Variants in SLC25A48 observed in about 807,000 individuals in gnomAD.
SLC25A48 encodes the protein CTC-321K16.1.
SLC25A48 carries 29 observed loss-of-function variants against 32.2 expected under a neutral mutation model. The ratio of observed to expected loss-of-function variants is 0.90; its 90% confidence interval spans 0.67 to 1.23. The LOEUF is 1.23. Among genes scored for constraint, SLC25A48 ranks in the 50% most tolerant of loss-of-function variants. The probability of loss-of-function intolerance (pLI) is 0.00; values close to 1 mark genes in which losing one functional copy is unlikely to be tolerated. For missense variants in SLC25A48, 399 were observed against 422.7 expected, an observed-to-expected ratio of 0.94 and a Z score of 0.49; for synonymous variants, 164 against 172.3, an observed-to-expected ratio of 0.95 and a Z score of 0.38.
In SLC25A48 at chr5:135,645,014, TC is replaced by T. The variant is rs537469788; in HGVS notation, c.-521+10060del. Among the ~76,000 whole-genome samples, 118 of 152,274 alleles carry T rather than the reference TC, an allele frequency of 7.7e-4. 1 individual carries two copies. In the Middle Eastern group the frequency reaches 0.017, roughly 22 times the overall value. Reference sequence around the variant, plus strand: ...GGGGATCCGCTTTCCTGTCTCCTGCTCCATCTGTCCCCATTCTAAAACAGCC... The same window carrying T: ...GGGGATCCGCTTTCCTGTCTCCTGCTCATCTGTCCCCATTCTAAAACAGCC... On this transcript the variant is annotated intron_variant, in intron 3 of 10. Transcript: ENST00000646290.
At chr5:135,585,417 C>G (rs1356199928) in intron 1 of SLC25A48, among the ~76,000 whole-genome samples, 1 of 152,200 alleles carries the variant, frequency 6.6e-6, no homozygotes. Flanking sequence ...GTCCTAGCCC[C>G]AGGGTAGGAG....
At chr5:135,857,052 C>T (rs28464282) in intron 4 of SLC25A48, among the ~76,000 whole-genome samples, 6,551 of 152,278 alleles carry the variant, frequency 0.043, 475 homozygotes, top group African/African-American at 0.15. Context: ...GGTAGCTTTG[C>T]GAATATCTGT....
intron 1 of SLC25A48, among the ~76,000 whole-genome samples, chr5:135,612,357 G>A (rs1038592434): frequency 3.9e-5 from 6 of 152,258 alleles, no homozygotes; most frequent in East Asian, 3.9e-4. Context: ...GGTATCTATC[G>A]TCTTGAGGAT....
chr5:135,720,708 G>T (rs1184286463), intron 3 of SLC25A48, among the ~76,000 whole-genome samples: 2 of 152,120 alleles, frequency 1.3e-5, no homozygotes, highest in South Asian at 4.1e-4. Context: ...TGCACGGAGA[G>T]ACCAGGGTGA....
At chr5:135,664,726 C>A (rs1753481027) in intron 3 of SLC25A48, among the ~76,000 whole-genome samples, 2 of 152,200 alleles carry the variant, frequency 1.3e-5, no homozygotes, top group African/African-American at 2.4e-5. Flanking sequence ...TAAGGGCCTC[C>A]AGCTCCATCT....
intron 3 of SLC25A48, among the ~76,000 whole-genome samples, chr5:135,743,346 A>C (rs919165405): frequency 1.3e-5 from 2 of 151,822 alleles, no homozygotes; most frequent in African/African-American, 4.8e-5. Flanking sequence ...TGTTGGAATT[A>C]AAGGCATGAG....
intron 7 of SLC25A48, among the ~76,000 whole-genome samples, chr5:135,885,097 ATGGCTATTTTACGG>A (rs1762668372): frequency 6.6e-6 from 1 of 152,110 alleles, no homozygotes; most frequent in African/African-American, 2.4e-5. Context: ...AGCCATGATG[ATGGCTATTTTACGG>A]TGTAAAAAAG....
chr5:135,639,167 A>G (rs1229525392), intron 3 of SLC25A48, among the ~76,000 whole-genome samples: 1 of 152,238 alleles, frequency 6.6e-6, no homozygotes, highest in East Asian at 1.9e-4. Flanking sequence ...CTTTTGGGCA[A>G]CAGTTACTTG....
chr5:135,601,544 C>G lies in SLC25A48; in HGVS notation c.-849+21947C>G, dbSNP rs1297636385. On this transcript the variant is annotated intron_variant, in intron 1 of 10. Transcript: ENST00000646290. ...CTAGGAGAAAGTGTCACTCTCCCCT[C>G]TCTCCATCTTGACTGGAACCCATGG... Among the ~76,000 whole-genome samples the G allele has an allele frequency of 3.9e-5, 6 of 152,224 alleles. No individual in the cohort carries two copies. The East Asian group carries it at 7.7e-4, about 20-fold the overall frequency.
At chr5:135,826,564 C>T (rs1180239080) in intron 4 of SLC25A48, 3 of 152,204 alleles carry the variant, frequency 2.0e-5, no homozygotes, top group Admixed American at 1.3e-4. Context: ...TGCACCTTGG[C>T]GCTGGTGCAC....
chr5:135,722,825 G>C (rs943247924), intron 3 of SLC25A48, among the ~76,000 whole-genome samples: 27 of 152,240 alleles, frequency 1.8e-4, no homozygotes, highest in African/African-American at 6.0e-4. Flanking sequence ...CTTGTCCCTG[G>C]TGTCCGGTCA....
intron 3 of SLC25A48, among the ~76,000 whole-genome samples, chr5:135,678,862 T>C (rs1580778453): frequency 2.6e-5 from 4 of 152,158 alleles, no homozygotes; most frequent in African/African-American, 7.2e-5. Context: ...GAGGCTGTGG[T>C]AAAATTTTTC....
In SLC25A48 at chr5:135,757,271, A is replaced by T. The variant is rs772346607; in HGVS notation, c.-520-55252A>T. Among the ~76,000 whole-genome samples the T allele has an allele frequency of 1.1e-4, 16 of 149,712 alleles. No individual in the cohort carries two copies. The South Asian group carries it at 1.1e-3, about 10-fold the overall frequency. On this transcript the variant is annotated intron_variant, in intron 3 of 10. Transcript: ENST00000646290. ...ATATTAATAAAATATCACCTATATGATATTTATAATGACTAGTGTTAACAC... is the reference window on the plus strand; with the variant it reads ...ATATTAATAAAATATCACCTATATGTTATTTATAATGACTAGTGTTAACAC...
chr5:135,810,584 A>G (rs1757569102), intron 3 of SLC25A48, among the ~76,000 whole-genome samples: 1 of 152,162 alleles, frequency 6.6e-6, no homozygotes, highest in African/African-American at 2.4e-5. Context: ...GCCAAAAGCA[A>G]TCCTAACTGA....
chr5:135,835,503 G>A (rs1304773387), intron 1 of SLC25A48, among the ~76,000 whole-genome samples: 1 of 152,050 alleles, frequency 6.6e-6, no homozygotes, highest in Non-Finnish European at 1.5e-5. Flanking sequence ...GCACTGTTGG[G>A]TCTGCTGATC....
intron 3 of SLC25A48, among the ~76,000 whole-genome samples, chr5:135,774,901 C>T (rs1472710122): frequency 6.6e-6 from 1 of 151,524 alleles, no homozygotes; most frequent in Non-Finnish European, 1.5e-5. Context: ...GTGTACACAC[C>T]CCCGTGATAT....
chr5:135,688,694 G>A (rs1754074963), intron 3 of SLC25A48, among the ~76,000 whole-genome samples: 1 of 152,216 alleles, frequency 6.6e-6, no homozygotes, highest in Non-Finnish European at 1.5e-5. Context: ...CAGTGGAAAA[G>A]CAGGCCCTGA....
intron 3 of SLC25A48, among the ~76,000 whole-genome samples, chr5:135,762,682 T>C (rs748883937): frequency 2.6e-5 from 4 of 152,034 alleles, no homozygotes; most frequent in Non-Finnish European, 5.9e-5. Context: ...GTGTTGAGTA[T>C]ATAAGAACGG....
intron 3 of SLC25A48, among the ~76,000 whole-genome samples, chr5:135,663,395 C>T (rs1753450308): frequency 6.6e-6 from 1 of 152,124 alleles, no homozygotes; most frequent in African/African-American, 2.4e-5. Context: ...TGACTTCTCT[C>T]CAGTAGTATC....
Sources: allele counts gnomAD v4.1 joint callset (sites outside exome capture counted in the v4.1 genomes callset), GRCh38; gene constraint gnomAD v4.1.1; transcripts MANE v1.5; gene names NCBI Gene and HGNC (gene_info 2026-07-23, HGNC 2026-07-21).